The following ANKFN1 variants were observed in gnomAD, a reference collection of about 807,000 sequenced individuals.
ANKFN1 encodes ankyrin repeat and fibronectin type-III domain-containing protein 1.
ANKFN1 carries 74 observed loss-of-function variants against 108.7 expected under a neutral mutation model. That is an observed-to-expected ratio of 0.68 (90% CI 0.56 to 0.83). The LOEUF (loss-of-function observed/expected upper bound fraction) is 0.83, where lower values mean the gene tolerates loss of function less well. Ranked by LOEUF, ANKFN1 falls within the 40% of genes least tolerant of loss-of-function variation. The pLI, the probability that ANKFN1 is intolerant of heterozygous loss-of-function variation, is 0.00. For synonymous variants in ANKFN1, 547 were observed against 516.2 expected (o/e 1.06, Z -0.81); for missense variants, 1,505 against 1,382.3 (o/e 1.09, Z -1.41).
intron 8 of ANKFN1, among the ~76,000 whole-genome samples, chr17:56,423,261 G>A (rs570241750): frequency 6.6e-5 from 10 of 152,272 alleles, no homozygotes; most frequent in African/African-American, 1.2e-4. Flanking sequence ...ACACAGACAC[G>A]TTGGGTCAAC....
At chr17:56,460,614 A>C (rs1405244574) in intron 14 of ANKFN1, among the ~76,000 whole-genome samples, 1 of 152,086 alleles carries the variant, frequency 6.6e-6, no homozygotes, top group African/African-American at 2.4e-5. Context: ...TTTTTCTGCC[A>C]AATTTATAAA....
chr17:56,437,932 A>G (rs760414868), intron 8 of ANKFN1, among the ~76,000 whole-genome samples: 9 of 151,680 alleles, frequency 5.9e-5, no homozygotes, highest in Non-Finnish European at 1.3e-4. Context: ...GATTCACATG[A>G]AAGAAAAATA....
intron 6 of ANKFN1, among the ~76,000 whole-genome samples, chr17:56,361,817 C>A (rs1199796842): frequency 1.3e-5 from 2 of 152,066 alleles, no homozygotes. Context: ...ACATTTCTTG[C>A]TATATGGGTC....
intron 2 of ANKFN1, among the ~76,000 whole-genome samples, chr17:56,216,934 T>C (rs1418956959): frequency 6.6e-6 from 1 of 151,934 alleles, no homozygotes. Context: ...TTGTAGGATG[T>C]GAAATAAAAG....
intron 3 of ANKFN1, among the ~76,000 whole-genome samples, chr17:56,260,478 C>T (rs1412090025): frequency 1.3e-5 from 2 of 152,004 alleles, no homozygotes; most frequent in East Asian, 3.9e-4. Flanking sequence ...CGGGTGGGGA[C>T]AAGGTTTCTA....
Position 56,456,968 on chromosome 17 carries a change from C to G in ANKFN1, c.1307+8C>G, listed in dbSNP as rs776867183. Reference sequence around the variant, plus strand: ...TGTGAAGACCTTAAAACGGTGGGTTCTATGTAGTTTTTTCAGGAAATCTTA... The same window carrying G: ...TGTGAAGACCTTAAAACGGTGGGTTGTATGTAGTTTTTTCAGGAAATCTTA... On this transcript the variant is annotated splice_region_variant and intron_variant, in intron 12 of 20. Coordinates refer to ENST00000682825, the MANE Select transcript of ANKFN1 (RefSeq NM_001370326.1). The G allele has an allele frequency of 3.1e-6, 5 of 1,609,668 alleles. No individual in the cohort carries two copies. The African/African-American group carries it at 6.7e-5, about 22-fold the overall frequency.
chr17:56,181,245 C>G (rs1162122735), intron 1 of ANKFN1, among the ~76,000 whole-genome samples: 1 of 152,180 alleles, frequency 6.6e-6, no homozygotes, highest in African/African-American at 2.4e-5. Context: ...GCTATTCCTA[C>G]ATATTTTTAA....
chr17:56,271,375 C>T (rs1319156957), intron 3 of ANKFN1, among the ~76,000 whole-genome samples: 1 of 152,130 alleles, frequency 6.6e-6, no homozygotes, highest in Non-Finnish European at 1.5e-5. Context: ...CCTTAGATAC[C>T]ACTGAATCTT....
At position 56,102,433 on chromosome 17, in the gene ANKFN1, A is replaced by G. The variant is rs149492639; in HGVS notation, c.288+56108A>G. On this transcript the variant is annotated intron_variant, in intron 4 of 12. Transcript: ENST00000635860. ...TATGTTCCCTACATTCTGTTTAATA[A>G]ATTACATTTTACAGCAATATTACAT... Among the ~76,000 whole-genome samples, 512 of 152,316 alleles carry G rather than the reference A, an allele frequency of 3.4e-3. 3 individuals carry two copies. The highest frequency in any genetic ancestry group is 0.012 in the African/African-American group (489 of 41,548).
intron 10 of ANKFN1, among the ~76,000 whole-genome samples, chr17:56,446,956 C>A (rs1187120697): frequency 6.6e-6 from 1 of 151,666 alleles, no homozygotes; most frequent in African/African-American, 2.4e-5. Context: ...CCAACAGTGG[C>A]TCATGCCTGT....
chr17:56,510,716 A>T lies in ANKFN1; in HGVS notation c.2888A>T (p.Asp963Val), dbSNP rs1446063878. 6.5e-7 allele frequency: 1 copy of T among 1,536,052 alleles called. No individual in the cohort carries two copies. Among genetic ancestry groups the T allele is most frequent in the Admixed American group, 2.0e-5 (1 of 51,004 alleles). The change falls in exon 21 of 21, where the codon GAT (aspartate) becomes GTT (valine). Residue 963 changes from aspartate (D) to valine (V), a missense_variant. Asp to Val is a radical substitution (Grantham distance 152). Coordinates refer to ENST00000682825, the MANE Select transcript of ANKFN1 (RefSeq NM_001370326.1). ...QDPQGEGPNPDHSCAEFLHSL... is the reference protein window; with the variant it reads ...QDPQGEGPNPVHSCAEFLHSL... ...CCCCAGGGCGAGGGCCCAAATCCCG[A>T]TCACTCATGTGCCGAGTTTCTCCAT...
intron 3 of ANKFN1, among the ~76,000 whole-genome samples, chr17:56,269,119 G>A (rs1423468832): frequency 6.6e-6 from 1 of 152,046 alleles, no homozygotes; most frequent in Non-Finnish European, 1.5e-5. Context: ...AGTTTAACAC[G>A]ATCTTCTCCA....
intron 8 of ANKFN1, among the ~76,000 whole-genome samples, chr17:56,396,978 T>A (rs924430114): frequency 2.0e-5 from 3 of 152,054 alleles, no homozygotes; most frequent in African/African-American, 7.2e-5. Flanking sequence ...ATGTAGTATA[T>A]GAAATAATAT....
intron 1 of ANKFN1, among the ~76,000 whole-genome samples, chr17:56,201,671 GAAA>G (rs200036417): frequency 6.9e-6 from 1 of 145,914 alleles, no homozygotes; most frequent in East Asian, 2.0e-4. Flanking sequence ...TGTTATTTGT[GAAA>G]AAAAAAAAAA....
intron 1 of ANKFN1, among the ~76,000 whole-genome samples, chr17:56,189,380 C>G (rs1287624931): frequency 6.7e-6 from 1 of 149,854 alleles, no homozygotes; most frequent in Non-Finnish European, 1.5e-5. Context: ...CCGTTTTAGC[C>G]AGGATGGTCT....
intron 1 of ANKFN1, among the ~76,000 whole-genome samples, chr17:56,170,772 T>TATATATATA (rs1910582370): frequency 3.7e-5 from 2 of 54,238 alleles, no homozygotes; most frequent in African/African-American, 2.9e-4. Flanking sequence ...AGAAAAAATT[T>TATATATATA]TTTATATATA....
chr17:56,187,779 A>G (rs940383816), intron 1 of ANKFN1, among the ~76,000 whole-genome samples: 14 of 152,178 alleles, frequency 9.2e-5, no homozygotes, highest in Non-Finnish European at 1.2e-4. Flanking sequence ...CATGTCCTTT[A>G]TAGGGACATG....
chr17:56,287,506 T>A (rs980892230), intron 3 of ANKFN1, among the ~76,000 whole-genome samples: 1 of 152,178 alleles, frequency 6.6e-6, no homozygotes, highest in African/African-American at 2.4e-5. Flanking sequence ...AAACAGCACC[T>A]AAGAAGTTAA....
At chr17:56,246,967 AAC>A (rs1318833177) in intron 3 of ANKFN1, among the ~76,000 whole-genome samples, 1 of 152,192 alleles carries the variant, frequency 6.6e-6, no homozygotes, top group Non-Finnish European at 1.5e-5. Context: ...TTTACCAGAA[AAC>A]ACAGTTAACT....
Sources: gnomAD v4.1 joint callset for allele counts (sites outside exome capture counted in the v4.1 genomes callset) on GRCh38, gnomAD v4.1.1 for gene constraint, MANE v1.5 for transcripts, NCBI Gene and HGNC (gene_info 2026-07-23, HGNC 2026-07-21) for gene names.